SLC17A1: variants seen among roughly 807,000 people sequenced by gnomAD.
The protein encoded by SLC17A1 is solute carrier family 17 member 1.
A neutral mutation model predicts 53.5 loss-of-function variants in SLC17A1; 51 were observed. The ratio of observed to expected loss-of-function variants is 0.95; its 90% CI spans 0.76 to 1.20. The LOEUF (loss-of-function observed/expected upper bound fraction) is 1.20, where lower values mean the gene tolerates loss of function less well. SLC17A1 is among the 50% of genes most tolerant of loss of function. SLC17A1 has a pLI of 0.00. For missense variants in SLC17A1, 538 were observed against 568.2 expected, an observed-to-expected ratio of 0.95 and a Z score of 0.54; for synonymous variants, 179 against 198.8, an observed-to-expected ratio of 0.90 and a Z score of 0.84.
the SLC17A1 span, among the ~76,000 whole-genome samples, chr6:25,727,686 T>C: frequency 6.6e-5 from 10 of 151,974 alleles, no homozygotes; most frequent in East Asian, 1.9e-3. Flanking sequence ...TGCGAATATA[T>C]CCAAATCAGC....
chr6:25,806,240 T>C (rs1763948810), intron 10 of SLC17A1, among the ~76,000 whole-genome samples: 1 of 152,058 alleles, frequency 6.6e-6, no homozygotes, highest in Admixed American at 6.6e-5. Flanking sequence ...TGCAAGTCAA[T>C]AAATGTGATA....
the SLC17A1 span, chr6:25,777,608 A>AC: frequency 2.8e-5 from 6 of 212,946 alleles, no homozygotes; most frequent in South Asian, 1.5e-4. Flanking sequence ...AACAACAACA[A>AC]AAACCTTACA....
At chr6:25,768,104 G>T in the SLC17A1 span, among the ~76,000 whole-genome samples, 1 of 152,302 alleles carries the variant, frequency 6.6e-6, no homozygotes, top group Non-Finnish European at 1.5e-5. Context: ...CAATATGACT[G>T]ATCAAAATTC....
chr6:25,793,705 T>G (rs906707641), intron 12 of SLC17A1, among the ~76,000 whole-genome samples: 8 of 152,164 alleles, frequency 5.3e-5, no homozygotes, highest in African/African-American at 1.7e-4. Context: ...CAGGGATTCT[T>G]AATCCAGGGT....
the SLC17A1 span, among the ~76,000 whole-genome samples, chr6:25,767,491 C>A: frequency 6.6e-6 from 1 of 152,004 alleles, no homozygotes; most frequent in African/African-American, 2.4e-5. Context: ...AGTACCTTGC[C>A]CCAGAATACA....
At position 25,811,306 on chromosome 6, in the gene SLC17A1, T is replaced by G. The variant is rs530977273; in HGVS notation, c.1178+92A>C. On this transcript the variant is annotated intron_variant, in intron 10 of 12. Transcript: ENST00000244527. ...GCTCGATTTTAGCCATTCCACAAAG[T>G]ATCCATATTTTAAATCATCATGTTG... 150 of 1,345,220 alleles carry G rather than the reference T, an allele frequency of 1.1e-4. 1 individual carries two copies. The South Asian group carries it at 2.0e-3, about 18-fold the overall frequency. 83.3% of individuals were successfully genotyped at this position (1,345,220 alleles called of 1,614,324 possible).
the SLC17A1 span, chr6:25,726,842 G>A: frequency 9.2e-6 from 14 of 1,518,872 alleles, no homozygotes; most frequent in South Asian, 6.6e-5. Flanking sequence ...AAGAGCTGTT[G>A]AGCACTGGAA....
the SLC17A1 span, among the ~76,000 whole-genome samples, chr6:25,772,962 G>C: frequency 6.6e-6 from 1 of 152,178 alleles, no homozygotes; most frequent in Non-Finnish European, 1.5e-5. Context: ...ATCTGCCTTG[G>C]TCAATGGATG....
At chr6:25,783,383 A>AT (rs1763308812) in intron 12 of SLC17A1, among the ~76,000 whole-genome samples, 165 bp from the exon 13 acceptor site, 1 of 152,098 alleles carries the variant, frequency 6.6e-6, no homozygotes, top group South Asian at 2.1e-4. Context: ...GATCCTAAAC[A>AT]TTTTTTTACA....
the SLC17A1 span, chr6:25,773,791 G>A: frequency 1.0e-3 from 1,035 of 1,011,554 alleles, 1 homozygote; most frequent in Middle Eastern, 4.5e-3. Flanking sequence ...GACCAGGCAG[G>A]ACCTCCATAT....
the SLC17A1 span, among the ~76,000 whole-genome samples, chr6:25,759,851 C>A: frequency 6.6e-6 from 1 of 152,120 alleles, no homozygotes; most frequent in Non-Finnish European, 1.5e-5. Context: ...ATATATGTAT[C>A]CAATTCTTTG....
At chr6:25,813,020 A>G (rs759586014) in intron 7 of SLC17A1, 28 bp from the exon 8 acceptor site, 4 of 1,613,282 alleles carry the variant, frequency 2.5e-6, no homozygotes, top group Non-Finnish European at 3.4e-6. Context: ...AAGAATTAGC[A>G]CATTAGAACA....
chr6:25,726,460 C>T, the SLC17A1 span: 144 of 1,613,986 alleles, frequency 8.9e-5, no homozygotes, highest in Non-Finnish European at 1.2e-4. Flanking sequence ...AAACTGCAAA[C>T]CCGCTCTAGA....
chr6:25,775,602 A>AT, the SLC17A1 span, among the ~76,000 whole-genome samples: 1 of 151,700 alleles, frequency 6.6e-6, no homozygotes, highest in Non-Finnish European at 1.5e-5. Context: ...TGCCTGGCTA[A>AT]TTTTTTGTGG....
At chr6:25,814,766 G>A (rs1382644939) in intron 6 of SLC17A1, among the ~76,000 whole-genome samples, 2 of 151,988 alleles carry the variant, frequency 1.3e-5, no homozygotes, top group African/African-American at 4.8e-5. Context: ...GGCGGATCAC[G>A]TGAGGTCAGG....
Position 25,826,524 on chromosome 6 carries a change from C to A in SLC17A1, c.144G>T (p.Val48=). ...ACLNLTMVVM[V]NSTDPHGLPN... is the part of the protein sequence containing the mutation. ...GCAAACCATGTGGATCTGTGCTATTCACCATGACTACCATTGTGAGGTTCA... is the reference window on the plus strand; with the variant it reads ...GCAAACCATGTGGATCTGTGCTATTAACCATGACTACCATTGTGAGGTTCA... Residue 48 remains valine (V), a synonymous_variant, in exon 3 of 13, where the codon GTG becomes GTT. Transcript: ENST00000244527. The A allele has an allele frequency of 1.2e-6, 2 of 1,612,742 alleles. No individual in the cohort carries two copies. Among genetic ancestry groups the A allele is most frequent in the Non-Finnish European group, 1.7e-6 (2 of 1,179,088 alleles).
At chr6:25,821,366 T>C (rs1764554113) in intron 3 of SLC17A1, among the ~76,000 whole-genome samples, 1 of 152,164 alleles carries the variant, frequency 6.6e-6, no homozygotes, top group East Asian at 1.9e-4. Flanking sequence ...GAATACCAAA[T>C]AATAACCAGT....
chr6:25,768,991 G>A, the SLC17A1 span: 2 of 1,613,882 alleles, frequency 1.2e-6, no homozygotes, highest in East Asian at 2.2e-5. Context: ...TCAGGTTTTT[G>A]TTCAGTCCGA....
intron 3 of SLC17A1, among the ~76,000 whole-genome samples, chr6:25,821,456 A>G (rs1764558110): frequency 6.6e-6 from 1 of 152,208 alleles, no homozygotes; most frequent in Admixed American, 6.5e-5. Context: ...TACACAGAAG[A>G]TGAAGCAGAA....
Sources: allele counts gnomAD v4.1 joint callset (sites outside exome capture counted in the v4.1 genomes callset), GRCh38; gene constraint gnomAD v4.1.1; transcripts MANE v1.5; gene names NCBI Gene and HGNC (gene_info 2026-07-23, HGNC 2026-07-21).